The following TEX36 variants were observed in gnomAD, a reference collection of about 807,000 sequenced individuals.
TEX36 encodes testis expressed 36.
A neutral mutation model predicts 13.6 loss-of-function variants in TEX36; 12 were observed. The ratio of observed to expected loss-of-function variants is 0.88; its 90% CI spans 0.56 to 1.43. The LOEUF (loss-of-function observed/expected upper bound fraction) is 1.43. Ranked by LOEUF, TEX36 falls within the 40% of genes most tolerant of loss-of-function variation. TEX36 has a pLI of 0.00. For synonymous variants in TEX36, 93 were observed against 83.0 expected (o/e 1.12, Z -0.65); for missense variants, 224 against 228.3 (o/e 0.98, Z 0.12).
At position 125,678,196 on chromosome 10, in the gene TEX36, A is replaced by T. The variant is rs1847340163; in HGVS notation, c.51+4743T>A. Among the ~76,000 whole-genome samples the T allele has an allele frequency of 2.0e-5, 3 of 152,296 alleles. No homozygotes were observed. In the South Asian group the frequency reaches 6.2e-4, roughly 32 times the overall value. ...TATAAGGGAGGACATTTTCCTGAAG[A>T]TGTTTCCATGGTGTCAGTTGGATAG... On this transcript the variant is annotated intron_variant, in intron 1 of 3. Coordinates refer to ENST00000368821, the MANE Select transcript of TEX36 (RefSeq NM_001128202.3).
intron 1 of TEX36, among the ~76,000 whole-genome samples, chr10:125,673,724 A>AG (rs1382529572): frequency 6.6e-6 from 1 of 151,584 alleles, no homozygotes; most frequent in East Asian, 1.9e-4. Flanking sequence ...AAAAAAAAAA[A>AG]AAAAAAAAAG....
intron 3 of TEX36, among the ~76,000 whole-genome samples, chr10:125,612,105 A>G (rs1375330718): frequency 2.5e-5 from 3 of 118,052 alleles, no homozygotes; most frequent in East Asian, 2.5e-4. Context: ...TTTTTTTTTC[A>G]GACAGAGTCT....
At chr10:125,631,672 CTCCCT>C (rs1846556146) in intron 3 of TEX36, among the ~76,000 whole-genome samples, 1 of 152,166 alleles carries the variant, frequency 6.6e-6, no homozygotes, top group Admixed American at 6.5e-5. Context: ...TTTCTAGGTC[CTCCCT>C]TCTGGTGGGT....
At chr10:125,619,949 T>A (rs916250749), downstream of TEX36, among the ~76,000 whole-genome samples, 3 of 152,022 alleles carry the variant, frequency 2.0e-5, no homozygotes, top group African/African-American at 4.8e-5. Context: ...ATTGTAAAAA[T>A]TTTTCACATC....
intron 3 of TEX36, among the ~76,000 whole-genome samples, chr10:125,627,634 T>C (rs1846503772): frequency 6.6e-6 from 1 of 152,274 alleles, no homozygotes. Flanking sequence ...ATCAGAACTA[T>C]GGCATAATGT....
intron 3 of TEX36, among the ~76,000 whole-genome samples, chr10:125,645,523 G>T (rs542912790): frequency 1.3e-5 from 2 of 152,224 alleles, no homozygotes; most frequent in South Asian, 4.1e-4. Context: ...CTCACCAGAC[G>T]CAGCCCCTTG....
At chr10:125,635,978 A>T (rs1257757824) in intron 3 of TEX36, among the ~76,000 whole-genome samples, 1 of 151,900 alleles carries the variant, frequency 6.6e-6, no homozygotes, top group African/African-American at 2.4e-5. Context: ...GGCTCAAGCA[A>T]TCCTCCCACC....
chr10:125,655,722 A>G lies in TEX36; in HGVS notation c.*178T>C. The G allele has an allele frequency of 7.9e-7, 1 of 1,273,824 alleles. No individual in the cohort carries two copies. The highest frequency in any genetic ancestry group is 9.9e-7 in the Non-Finnish European group (1 of 1,011,922). The allele number at this position is 1,273,824 out of a possible 1,614,324, so 78.9% of individuals were successfully genotyped here. Reference sequence around the variant, plus strand: ...ATGTGGCCATCTGAAAAGTTTATTTACACATGCGTATGTCATCACAAATTC... The same window carrying G: ...ATGTGGCCATCTGAAAAGTTTATTTGCACATGCGTATGTCATCACAAATTC... On this transcript the variant is annotated 3_prime_UTR_variant, in exon 4 of 4. Coordinates refer to ENST00000368821, the MANE Select transcript of TEX36 (RefSeq NM_001128202.3).
chr10:125,586,650 A>T lies in TEX36; in HGVS notation c.265-9776T>A, dbSNP rs1457802889. Among the ~76,000 whole-genome samples, 5 of 150,686 alleles carry T rather than the reference A, an allele frequency of 3.3e-5. 1 individual carries two copies. The highest frequency in any genetic ancestry group is 4.4e-5 in the Non-Finnish European group (3 of 67,510). On this transcript the variant is annotated intron_variant, in intron 3 of 3. Transcript: ENST00000532135. Reference sequence around the variant, plus strand: ...ACTAAAAATCCAAAAAAAAAAAAAAAAAAAAAATTAGCCAGGCATGGTGTC... The same window carrying T: ...ACTAAAAATCCAAAAAAAAAAAAAATAAAAAAATTAGCCAGGCATGGTGTC...
At chr10:125,586,971 C>T (rs1845961530) in intron 3 of TEX36, among the ~76,000 whole-genome samples, 1 of 151,956 alleles carries the variant, frequency 6.6e-6, no homozygotes, top group African/African-American at 2.4e-5. Context: ...TGATAGAGTC[C>T]TCTTAAGATC....
rs575042963 is a variant in TEX36 at position 125,623,002 on chromosome 10, T to C, written c.265-1357A>G. On this transcript the variant is annotated intron_variant, in intron 3 of 3. Coordinates refer to the TEX36 transcript ENST00000526819. ...TAACAGGAAGCAAAAATTCTGCTAG[T>C]GGATCACTAGAGGTGATGGTGAGTG... 9.8e-5 allele frequency among the ~76,000 whole-genome samples: 15 copies of C among 152,310 alleles called. No homozygotes were observed. In the South Asian group the frequency reaches 3.1e-3, roughly 32 times the overall value.
chr10:125,616,077 G>A (rs1846353827), intron 3 of TEX36, among the ~76,000 whole-genome samples: 2 of 152,264 alleles, frequency 1.3e-5, no homozygotes, highest in African/African-American at 4.8e-5. Flanking sequence ...GCGTAGAGGT[G>A]TTTGTAGTAT....
downstream of TEX36, among the ~76,000 whole-genome samples, chr10:125,651,576 A>G (rs1486780813): frequency 6.6e-6 from 1 of 152,186 alleles, no homozygotes; most frequent in East Asian, 1.9e-4. Flanking sequence ...GTTTCCTTTG[A>G]AAACTGGCAC....
intron 3 of TEX36, among the ~76,000 whole-genome samples, chr10:125,584,037 A>G (rs933183897): frequency 2.6e-5 from 4 of 152,116 alleles, no homozygotes; most frequent in Admixed American, 6.5e-5. Context: ...GAGACATCAA[A>G]TCTTCCACTC....
chr10:125,608,897 G>T (rs2133549420), intron 3 of TEX36, among the ~76,000 whole-genome samples: 1 of 151,332 alleles, frequency 6.6e-6, no homozygotes, highest in Non-Finnish European at 1.5e-5. Context: ...CACTTTGGGA[G>T]GCCGAGGAAG....
At chr10:125,591,224 G>T (rs1054770039) in intron 3 of TEX36, among the ~76,000 whole-genome samples, 2 of 152,186 alleles carry the variant, frequency 1.3e-5, no homozygotes, top group African/African-American at 4.8e-5. Flanking sequence ...ATAGTGCCTG[G>T]CCTATCTGGG....
intron 3 of TEX36, among the ~76,000 whole-genome samples, chr10:125,640,661 C>G (rs1416903809): frequency 6.6e-6 from 1 of 152,064 alleles, no homozygotes; most frequent in Non-Finnish European, 1.5e-5. Context: ...AATTGACTGC[C>G]CTGTGTGTTT....
At chr10:125,677,184 C>T (rs543263410) in intron 1 of TEX36, among the ~76,000 whole-genome samples, 110 of 152,256 alleles carry the variant, frequency 7.2e-4, no homozygotes, top group Non-Finnish European at 1.5e-3. Flanking sequence ...ATGGAGAAGA[C>T]CTTTTTGTAT....
Position 125,576,590 on chromosome 10 carries a change from C to T in TEX36, c.*159G>A. The T allele has an allele frequency of 8.6e-6, 9 of 1,046,938 alleles. No individual in the cohort carries two copies. In the South Asian group the frequency reaches 1.4e-4, roughly 16 times the overall value. The allele number at this position is 1,046,938 out of a possible 1,614,324, so 64.9% of individuals were successfully genotyped here. A position where few individuals can be genotyped will look rare whatever the true frequency, so the allele number is the denominator to read the frequency against. ...ACAGGCAAGCAGAATAAGAGGATTT[C>T]TCCATAGCTGGAAATTTATTTTTCC... On this transcript the variant is annotated 3_prime_UTR_variant, in exon 4 of 4. Coordinates refer to the TEX36 transcript ENST00000532135.
Sources: allele counts gnomAD v4.1 joint callset (sites outside exome capture counted in the v4.1 genomes callset), GRCh38; gene constraint gnomAD v4.1.1; transcripts MANE v1.5; gene names NCBI Gene and HGNC (gene_info 2026-07-23, HGNC 2026-07-21).